TOX2: variants seen among roughly 807,000 people sequenced by gnomAD.
TOX2 encodes TOX high mobility group box family member 2.
Under a neutral mutation model 47.4 loss-of-function variants are expected in TOX2, and 15 were observed. The observed-to-expected ratio is 0.32, with a 90% CI of 0.21 to 0.49. The LOEUF is 0.49. Among genes scored for constraint, TOX2 ranks in the 20% least tolerant of loss-of-function variants. The pLI is 0.99. For synonymous variants in TOX2, 290 were observed against 296.6 expected, an observed-to-expected ratio of 0.98 and a Z score of 0.23; for missense variants, 622 against 673.1, an observed-to-expected ratio of 0.92 and a Z score of 0.84.
intron 1 of TOX2, among the ~76,000 whole-genome samples, chr20:43,969,977 C>CATCT (rs1437131148): frequency 2.0e-5 from 3 of 152,200 alleles, no homozygotes; most frequent in African/African-American, 7.2e-5. Context: ...CCTTGCCCTA[C>CATCT]ATCTCCAGTA....
intron 1 of TOX2, among the ~76,000 whole-genome samples, chr20:43,950,008 C>T (rs1356377178): frequency 7.1e-6 from 1 of 139,950 alleles, no homozygotes; most frequent in Admixed American, 7.6e-5. Flanking sequence ...TTGGCTGTGA[C>T]CTTGGACAAG....
At chr20:43,954,789 G>C (rs151326919) in intron 1 of TOX2, among the ~76,000 whole-genome samples, 405 of 152,322 alleles carry the variant, frequency 2.7e-3, no homozygotes, top group African/African-American at 9.0e-3. Context: ...GAGGATCCAC[G>C]AGGGTGTGGG....
rs753360691 is a variant in TOX2, at chr20:44,051,299, C to A, written c.412-7C>A. The A allele has an allele frequency of 8.7e-6, 14 of 1,600,480 alleles. No homozygotes were observed. The highest frequency in any genetic ancestry group is 1.0e-5 in the Non-Finnish European group (12 of 1,170,710). Reference sequence around the variant, plus strand: ...CCTAACTCAACCCTCCTGTCCTCCTCTCTTAGATCCAGGAGATGGTCCACT... The same window carrying A: ...CCTAACTCAACCCTCCTGTCCTCCTATCTTAGATCCAGGAGATGGTCCACT... On this transcript the variant is annotated splice_region_variant and splice_polypyrimidine_tract_variant and intron_variant, in intron 3 of 8. Transcript: ENST00000341197.
intron 5 of TOX2, among the ~76,000 whole-genome samples, chr20:44,061,115 T>A (rs11697025): frequency 0.057 from 8,643 of 152,178 alleles, 321 homozygotes; most frequent in African/African-American, 0.11. Context: ...AAGACTACTA[T>A]GAACACCTTT....
chr20:44,044,174 A>C (rs546254565), intron 3 of TOX2, among the ~76,000 whole-genome samples: 13 of 152,348 alleles, frequency 8.5e-5, no homozygotes, highest in African/African-American at 3.1e-4. Context: ...AACTATCGCA[A>C]GAACAAAAAA....
In TOX2 at chr20:43,952,794, T is replaced by G. The variant is rs147442511; in HGVS notation, c.100-20573T>G. On this transcript the variant is annotated intron_variant, in intron 1 of 8. Coordinates refer to ENST00000341197, the MANE Select transcript of TOX2 (RefSeq NM_001098797.2). Reference sequence around the variant, plus strand: ...GACATATAGGCAGACTGAGACACAGTTAGTCGGTACTTACGGGACTCACTG... The same window carrying G: ...GACATATAGGCAGACTGAGACACAGGTAGTCGGTACTTACGGGACTCACTG... 1.7e-3 allele frequency among the ~76,000 whole-genome samples: 261 copies of G among 152,260 alleles called. 1 individual carries two copies. The highest frequency in any genetic ancestry group is 6.0e-3 in the African/African-American group (249 of 41,544).
At chr20:43,949,292 C>T (rs930732637) in intron 1 of TOX2, among the ~76,000 whole-genome samples, 1 of 152,204 alleles carries the variant, frequency 6.6e-6, no homozygotes, top group Non-Finnish European at 1.5e-5. Flanking sequence ...GACTTCTCCC[C>T]GCTTCACTAT....
At chr20:43,928,997 A>AAC (rs1555829658) in intron 1 of TOX2, among the ~76,000 whole-genome samples, 29 of 149,672 alleles carry the variant, frequency 1.9e-4, no homozygotes, top group Admixed American at 8.6e-4. Context: ...AAAAAAAAAA[A>AAC]AACAACAACA....
In TOX2 at chr20:43,915,012, TC is replaced by T; in HGVS notation, c.99+26del. 10 of 1,213,942 alleles carry T rather than the reference TC, an allele frequency of 8.2e-6. No homozygotes were observed. Among genetic ancestry groups the T allele is most frequent in the South Asian group, 5.7e-5 (2 of 34,822 alleles). 75.2% of individuals were successfully genotyped at this position (1,213,942 alleles called of 1,614,324 possible). A position where few individuals can be genotyped will look rare whatever the true frequency, so the allele number is the denominator to read the frequency against. On this transcript the variant is annotated intron_variant, in intron 1 of 8. Coordinates refer to ENST00000341197, the MANE Select transcript of TOX2 (RefSeq NM_001098797.2). This position sits in a 1 kb window ranked among gnomAD's most constrained non-coding sequence, Gnocchi z 7.1. ...CAAGGTAGGCGGGGGCGGGCGGGGG[TC>T]CCCGGCGGGCGGGGCCGGAGTCACC... is the stretch of plus-strand genomic sequence containing the variant.
intron 1 of TOX2, among the ~76,000 whole-genome samples, chr20:43,947,080 G>A (rs946035166): frequency 1.3e-5 from 2 of 152,224 alleles, no homozygotes; most frequent in Admixed American, 1.3e-4. Context: ...AAAGCCTGCA[G>A]GAGGCAGTGG....
intron 3 of TOX2, among the ~76,000 whole-genome samples, chr20:44,048,146 G>A (rs6031323): frequency 6.6e-6 from 1 of 152,100 alleles, no homozygotes; most frequent in East Asian, 1.9e-4. Flanking sequence ...TTGAACCCTG[G>A]AGGTGGAGGC....
intron 1 of TOX2, among the ~76,000 whole-genome samples, chr20:43,950,344 C>T (rs563264434): frequency 6.6e-6 from 1 of 152,344 alleles, no homozygotes; most frequent in South Asian, 2.1e-4. Context: ...AGCCCTCTCG[C>T]CTGCCCTCGC....
At chr20:44,057,893 G>A (rs148398179) in intron 5 of TOX2, among the ~76,000 whole-genome samples, 1 of 148,460 alleles carries the variant, frequency 6.7e-6, no homozygotes, top group Non-Finnish European at 1.5e-5. Context: ...GAGCAGTGGA[G>A]CCAAACTGGG....
chr20:43,955,359 T>TC (rs1176917689), intron 1 of TOX2: 16 of 957,914 alleles, frequency 1.7e-5, no homozygotes, highest in Non-Finnish European at 2.0e-5. Context: ...ACCCGTTGTT[T>TC]CCCCTTGGCT....
At chr20:44,030,122 C>T (rs961733494) in intron 3 of TOX2, among the ~76,000 whole-genome samples, 11 of 152,150 alleles carry the variant, frequency 7.2e-5, no homozygotes, top group African/African-American at 2.4e-4. Flanking sequence ...ACCTGGAAAC[C>T]CCCACTTGGA....
intron 2 of TOX2, among the ~76,000 whole-genome samples, chr20:43,998,519 T>TA: frequency 1.3e-5 from 2 of 152,334 alleles, no homozygotes; most frequent in Admixed American, 1.3e-4. Context: ...CCATTTTATT[T>TA]ATGGTTTTAT....
In TOX2 at chr20:43,974,477, C is replaced by G. The variant is rs1237673743; in HGVS notation, c.165+1045C>G. On this transcript the variant is annotated intron_variant, in intron 2 of 8. Transcript: ENST00000341197. The stretch of plus-strand genomic sequence containing the variant: ...TGGTGCTTGCTGGGTGGGACCAGCT[C>G]GGGACACTGATTGGAGAGCCAAGGA... 2.0e-5 allele frequency among the ~76,000 whole-genome samples: 3 copies of G among 152,168 alleles called. No individual in the cohort carries two copies. In the South Asian group the frequency reaches 6.2e-4, roughly 32 times the overall value.
chr20:43,959,596 G>A (rs931635947), intron 1 of TOX2, among the ~76,000 whole-genome samples: 12 of 152,132 alleles, frequency 7.9e-5, no homozygotes, highest in African/African-American at 2.9e-4. Flanking sequence ...CCGACAACAC[G>A]AGCCTTTTGT....
chr20:44,001,350 G>A (rs142718796), intron 2 of TOX2, among the ~76,000 whole-genome samples: 31 of 152,276 alleles, frequency 2.0e-4, no homozygotes, highest in African/African-American at 7.2e-4. Flanking sequence ...TGAACTAAAT[G>A]GAGAAGGTAC....
Sources: allele counts gnomAD v4.1 joint callset (sites outside exome capture counted in the v4.1 genomes callset), GRCh38; gene constraint gnomAD v4.1.1; non-coding constraint Gnocchi (gnomAD v3.1); transcripts MANE v1.5; gene names NCBI Gene and HGNC (gene_info 2026-07-23, HGNC 2026-07-21).